LAMA2: variants seen among roughly 807,000 people sequenced by gnomAD.
The protein encoded by LAMA2 is laminin subunit alpha-2.
LAMA2 carries 269 observed loss-of-function variants against 364.8 expected under a neutral mutation model. The observed-to-expected ratio is 0.74, with a 90% CI of 0.67 to 0.82. The LOEUF (loss-of-function observed/expected upper bound fraction) is 0.82, where lower values mean the gene tolerates loss of function less well. LAMA2 is among the 40% of genes least tolerant of loss of function. The pLI, the probability that LAMA2 is intolerant of heterozygous loss-of-function variation, is 0.00. For synonymous variants in LAMA2, 1,379 were observed against 1,370.6 expected (o/e 1.01, Z -0.14); for missense variants, 3,807 against 3,873.2 (o/e 0.98, Z 0.45).
chr6:128,899,359 T>G (rs1776946570), intron 1 of LAMA2, among the ~76,000 whole-genome samples: 1 of 152,234 alleles, frequency 6.6e-6, no homozygotes, highest in Admixed American at 6.5e-5. Context: ...CAAGAGCAAT[T>G]GCTATGGCAG....
chr6:129,501,651 G>A (rs1297464575), intron 58 of LAMA2, among the ~76,000 whole-genome samples: 3 of 152,178 alleles, frequency 2.0e-5, no homozygotes, highest in African/African-American at 7.2e-5. Context: ...CTGGGGCAGC[G>A]GCCCAGCCAG....
chr6:129,376,028 T>TTATA (rs1235669044), intron 34 of LAMA2, among the ~76,000 whole-genome samples: 2 of 152,218 alleles, frequency 1.3e-5, no homozygotes, highest in African/African-American at 4.8e-5. Flanking sequence ...CTGTTGTTAT[T>TTATA]TATATGGCAG....
chr6:129,227,493 C>T (rs1449242041), intron 12 of LAMA2, among the ~76,000 whole-genome samples: 6 of 152,088 alleles, frequency 3.9e-5, no homozygotes, highest in East Asian at 1.9e-4. Flanking sequence ...TGATGATGTA[C>T]GGATGGGGTT....
chr6:129,158,491 C>A, intron 8 of LAMA2: 1 of 1,613,992 alleles, frequency 6.2e-7, no homozygotes. Context: ...TGTGACTGGT[C>A]AATAAGGTCT....
intron 1 of LAMA2, among the ~76,000 whole-genome samples, chr6:128,983,825 T>C (rs769883505): frequency 6.6e-6 from 1 of 152,160 alleles, no homozygotes; most frequent in Non-Finnish European, 1.5e-5. Context: ...GAAATGGTAA[T>C]GGCCTGAAAT....
intron 8 of LAMA2, among the ~76,000 whole-genome samples, chr6:129,159,691 A>G (rs1779342180): frequency 6.6e-6 from 1 of 152,234 alleles, no homozygotes; most frequent in South Asian, 2.1e-4. Flanking sequence ...TGAATTTTAA[A>G]GGGAAACCTA....
At position 129,267,178 on chromosome 6, in the gene LAMA2, G is replaced by C; in HGVS notation, c.2281G>C (p.Gly761Arg). Residue 761 changes from glycine (G) to arginine (R), a missense_variant, in exon 16 of 65, where the codon GGT becomes CGT. Coordinates refer to ENST00000421865, the MANE Select transcript of LAMA2 (RefSeq NM_000426.4). Reference protein sequence around the residue: ...GGICEPCQCFGHAESCDDVTG... With the variant: ...GGICEPCQCFRHAESCDDVTG... ...CATCTGTGAGCCATGTCAGTGCTTT[G>C]GTCATGCGGAGTCCTGTGATGACGT... 6.2e-7 allele frequency: 1 copy of C among 1,613,272 alleles called. No individual in the cohort carries two copies. The highest frequency in any genetic ancestry group is 8.5e-7 in the Non-Finnish European group (1 of 1,179,440).
At chr6:129,033,218 A>T (rs1224210135) in intron 1 of LAMA2, among the ~76,000 whole-genome samples, 8 of 124,106 alleles carry the variant, frequency 6.4e-5, no homozygotes, top group Admixed American at 1.5e-4. Flanking sequence ...AGTTACTGAT[A>T]AAAAAAAAAA....
chr6:129,223,046 A>G (rs1013280184), intron 12 of LAMA2, among the ~76,000 whole-genome samples: 3 of 152,126 alleles, frequency 2.0e-5, no homozygotes, highest in Admixed American at 6.6e-5. Context: ...TAACTGGTGT[A>G]GGATGGTATC....
intron 1 of LAMA2, among the ~76,000 whole-genome samples, chr6:128,902,011 A>G (rs1777115813): frequency 6.6e-6 from 1 of 152,218 alleles, no homozygotes; most frequent in Admixed American, 6.5e-5. Context: ...ACTTACAATC[A>G]TGACAGAAGG....
At chr6:129,282,522 A>G (rs1788792587) in intron 18 of LAMA2, among the ~76,000 whole-genome samples, 1 of 152,106 alleles carries the variant, frequency 6.6e-6, no homozygotes, top group Admixed American at 6.6e-5. Flanking sequence ...CAAAGGCCTT[A>G]TATGCAAGGG....
At chr6:129,165,419 G>C (rs1779685037) in intron 8 of LAMA2, among the ~76,000 whole-genome samples, 157 bp from the exon 9 acceptor site, 1 of 151,996 alleles carries the variant, frequency 6.6e-6, no homozygotes, top group Non-Finnish European at 1.5e-5. Flanking sequence ...CTGGATTTTA[G>C]AAATTATAAA....
intron 40 of LAMA2, among the ~76,000 whole-genome samples, chr6:129,407,443 C>T (rs1034653429): frequency 6.6e-6 from 1 of 152,104 alleles, no homozygotes; most frequent in Admixed American, 6.5e-5. Context: ...GTTAACAACA[C>T]TTAAATGCTG....
chr6:129,183,993 A>G (rs145146849), intron 10 of LAMA2, among the ~76,000 whole-genome samples: 114 of 152,060 alleles, frequency 7.5e-4, no homozygotes, highest in African/African-American at 2.6e-3. Flanking sequence ...AAATGGTGTT[A>G]TTGAATCTTT....
chr6:129,231,227 AAAACATAG>A (rs1241085100), intron 12 of LAMA2, among the ~76,000 whole-genome samples: 1 of 152,188 alleles, frequency 6.6e-6, no homozygotes, highest in Non-Finnish European at 1.5e-5. Context: ...TATCTAGCAC[AAAACATAG>A]AAACAAAGAA....
At chr6:129,382,239 A>G (rs554155878) in intron 34 of LAMA2, among the ~76,000 whole-genome samples, 72 of 152,330 alleles carry the variant, frequency 4.7e-4, no homozygotes, top group Admixed American at 9.1e-4. Flanking sequence ...GAAGGCTTAT[A>G]TATTAGCATA....
At chr6:129,092,076 T>C (rs1421066718) in intron 3 of LAMA2, among the ~76,000 whole-genome samples, 1 of 152,158 alleles carries the variant, frequency 6.6e-6, no homozygotes, top group Non-Finnish European at 1.5e-5. Flanking sequence ...TCACCTCTGT[T>C]TTCATCAGAC....
chr6:129,343,914 C>T (rs554332154), intron 30 of LAMA2, among the ~76,000 whole-genome samples: 1 of 152,122 alleles, frequency 6.6e-6, no homozygotes, highest in South Asian at 2.1e-4. Context: ...ATTATATGGG[C>T]AAATGCTTAC....
intron 28 of LAMA2, among the ~76,000 whole-genome samples, chr6:129,323,608 G>A (rs904872454): frequency 6.6e-6 from 1 of 152,118 alleles, no homozygotes; most frequent in Non-Finnish European, 1.5e-5. Flanking sequence ...GAGCCATTGA[G>A]TTTGTTATAC....
Sources: allele counts gnomAD v4.1 joint callset (sites outside exome capture counted in the v4.1 genomes callset), GRCh38; gene constraint gnomAD v4.1.1; transcripts MANE v1.5; gene names NCBI Gene and HGNC (gene_info 2026-07-23, HGNC 2026-07-21).